The following CNTNAP5 variants were observed in gnomAD, a reference collection of about 807,000 sequenced individuals.
CNTNAP5 encodes the protein contactin-associated protein-like 5.
In CNTNAP5, 72 loss-of-function variants were observed where a neutral mutation model predicts 150.2. The ratio of observed to expected loss-of-function variants is 0.48; its 90% CI spans 0.40 to 0.58. The LOEUF (loss-of-function observed/expected upper bound fraction) is 0.58, where lower values mean the gene tolerates loss of function less well. Ranked by LOEUF, CNTNAP5 falls within the 20% of genes least tolerant of loss-of-function variation. The probability of loss-of-function intolerance (pLI) is 0.00; values close to 1 mark genes in which losing one functional copy is unlikely to be tolerated. For missense variants in CNTNAP5, 1,636 were observed against 1,626.2 expected (o/e 1.01, Z -0.10); for synonymous variants, 672 against 619.8 (o/e 1.08, Z -1.25).
intron 3 of CNTNAP5, among the ~76,000 whole-genome samples, chr2:124,355,535 C>T (rs1037091900): frequency 1.2e-4 from 19 of 152,262 alleles, no homozygotes; most frequent in Non-Finnish European, 2.4e-4. Flanking sequence ...CTGTATGCTG[C>T]ATGATTTGTC....
At chr2:124,600,042 A>T (rs1260164853) in intron 11 of CNTNAP5, among the ~76,000 whole-genome samples, 1 of 152,074 alleles carries the variant, frequency 6.6e-6, no homozygotes, top group Non-Finnish European at 1.5e-5. Context: ...TGTGTGGAGT[A>T]TTTGTTCCAT....
In CNTNAP5 at chr2:124,836,436, T is replaced by C. The variant is rs189240652; in HGVS notation, c.3218-28870T>C. ...ACAGGCTTTCATTGTCAAATATTCA[T>C]GTCAGTTTTGTAGACTGTTTATAGA... On this transcript the variant is annotated intron_variant, in intron 19 of 23. Transcript: ENST00000682447. Among the ~76,000 whole-genome samples, 4 of 152,308 alleles carry C rather than the reference T, an allele frequency of 2.6e-5. No homozygotes were observed. The East Asian group carries it at 5.8e-4, about 22-fold the overall frequency.
intron 1 of CNTNAP5, among the ~76,000 whole-genome samples, chr2:124,070,325 C>G (rs1159097989): frequency 7.0e-6 from 1 of 142,340 alleles, no homozygotes; most frequent in Non-Finnish European, 1.5e-5. Context: ...TAAGTCCTCA[C>G]TTATCAATAA....
At chr2:124,336,476 G>A (rs888006091) in intron 3 of CNTNAP5, among the ~76,000 whole-genome samples, 1 of 150,868 alleles carries the variant, frequency 6.6e-6, no homozygotes, top group African/African-American at 2.4e-5. Context: ...TGCACCCATT[G>A]ACTCGTCATT....
intron 21 of CNTNAP5, among the ~76,000 whole-genome samples, chr2:124,899,986 GT>G (rs893439022): frequency 1.1e-3 from 156 of 144,822 alleles, no homozygotes; most frequent in Non-Finnish European, 1.5e-3. Flanking sequence ...ATTTTGGAGG[GT>G]TTTTTTTTTG....
At chr2:124,198,846 A>G (rs1685651633) in intron 1 of CNTNAP5, among the ~76,000 whole-genome samples, 2 of 146,898 alleles carry the variant, frequency 1.4e-5, no homozygotes, top group Admixed American at 1.4e-4. Context: ...AGTATGCCAG[A>G]TTTCTTGCCA....
intron 11 of CNTNAP5, among the ~76,000 whole-genome samples, chr2:124,595,907 T>C (rs1348801729): frequency 2.5e-5 from 3 of 118,082 alleles, no homozygotes; most frequent in Admixed American, 9.5e-5. Context: ...TTCTTCTAGA[T>C]TTTCTAGTTT....
intron 3 of CNTNAP5, among the ~76,000 whole-genome samples, chr2:124,273,636 C>A (rs183895549): frequency 6.6e-6 from 1 of 152,258 alleles, no homozygotes; most frequent in Admixed American, 6.5e-5. Flanking sequence ...GGAGTGTCCC[C>A]CTTAACCCCG....
intron 3 of CNTNAP5, among the ~76,000 whole-genome samples, chr2:124,364,325 C>T (rs1226722106): frequency 6.6e-6 from 1 of 152,078 alleles, no homozygotes; most frequent in African/African-American, 2.4e-5. Context: ...TATTTCCAGA[C>T]CTCACACTCT....
At chr2:124,760,758 A>G (rs1249081906) in intron 14 of CNTNAP5, among the ~76,000 whole-genome samples, 1 of 151,976 alleles carries the variant, frequency 6.6e-6, no homozygotes, top group Non-Finnish European at 1.5e-5. Flanking sequence ...TTTGTATGTC[A>G]TATTTTTATT....
intron 3 of CNTNAP5, among the ~76,000 whole-genome samples, chr2:124,347,762 T>C (rs968471049): frequency 3.9e-5 from 6 of 152,160 alleles, no homozygotes; most frequent in Non-Finnish European, 8.8e-5. Context: ...TATGTAAGTG[T>C]GTATGTGTTT....
intron 18 of CNTNAP5, among the ~76,000 whole-genome samples, chr2:124,791,232 T>A (rs1681721650): frequency 6.6e-6 from 1 of 152,234 alleles, no homozygotes; most frequent in South Asian, 2.1e-4. Flanking sequence ...TACTATAGTT[T>A]GAGCCCTCCG....
chr2:124,667,412 A>G (rs1678723543), intron 13 of CNTNAP5, among the ~76,000 whole-genome samples: 1 of 152,224 alleles, frequency 6.6e-6, no homozygotes, highest in Non-Finnish European at 1.5e-5. Context: ...ATATGAGAGT[A>G]TCTTTGTCAC....
At chr2:124,585,604 A>G (rs892623292) in intron 11 of CNTNAP5, among the ~76,000 whole-genome samples, 8 of 151,106 alleles carry the variant, frequency 5.3e-5, no homozygotes, top group African/African-American at 1.7e-4. Context: ...CATTAGGCAT[A>G]TAAAGGAACT....
chr2:124,502,917 G>A (rs376361428), intron 7 of CNTNAP5, among the ~76,000 whole-genome samples: 7 of 152,310 alleles, frequency 4.6e-5, no homozygotes, highest in African/African-American at 1.4e-4. Flanking sequence ...CTTTTGCTAA[G>A]TTATTTATTC....
intron 3 of CNTNAP5, among the ~76,000 whole-genome samples, chr2:124,245,461 G>C (rs1281036536): frequency 6.6e-6 from 1 of 151,848 alleles, no homozygotes; most frequent in Non-Finnish European, 1.5e-5. Flanking sequence ...TCAAACAAAA[G>C]GTTTTGCAAA....
intron 1 of CNTNAP5, among the ~76,000 whole-genome samples, chr2:124,216,979 T>C (rs75553212): frequency 0.18 from 27,003 of 152,154 alleles, 2,719 homozygotes; most frequent in Non-Finnish European, 0.23. Flanking sequence ...ACTTCCACAA[T>C]GGTTAAACTA....
At chr2:124,284,747 G>A (rs1023233188) in intron 3 of CNTNAP5, among the ~76,000 whole-genome samples, 1 of 152,120 alleles carries the variant, frequency 6.6e-6, no homozygotes, top group Non-Finnish European at 1.5e-5. Context: ...GGAAAAGAAT[G>A]AATGTTTGAA....
chr2:124,342,607 CGTATTGAACTTAG>C (rs1238142486), intron 3 of CNTNAP5, among the ~76,000 whole-genome samples: 3 of 151,976 alleles, frequency 2.0e-5, no homozygotes, highest in Non-Finnish European at 2.9e-5. Context: ...AGAATAAATT[CGTATTGAACTTAG>C]GTAACTACAT....
Sources: gnomAD v4.1 joint callset for allele counts (sites outside exome capture counted in the v4.1 genomes callset) on GRCh38, gnomAD v4.1.1 for gene constraint, MANE v1.5 for transcripts, NCBI Gene and HGNC (gene_info 2026-07-23, HGNC 2026-07-21) for gene names.